XKR6: variants seen among roughly 807,000 people sequenced by gnomAD.
The protein encoded by XKR6 is XK related 6, also known as XK-related protein 6.
In XKR6, 22 loss-of-function variants were observed where a neutral mutation model predicts 56.7. The observed-to-expected ratio is 0.39, with a 90% CI of 0.28 to 0.55. The LOEUF is 0.55. XKR6 is among the 20% of genes least tolerant of loss of function. XKR6 has a pLI of 0.66. For synonymous variants in XKR6, 524 were observed against 387.8 expected, an observed-to-expected ratio of 1.35 and a Z score of -4.13; for missense variants, 852 against 889.0, an observed-to-expected ratio of 0.96 and a Z score of 0.53.
Position 11,087,856 on chromosome 8 carries a change from G to A in XKR6, c.764+112720C>T, listed in dbSNP as rs375652075. On this transcript the variant is annotated intron_variant, in intron 1 of 2. Coordinates refer to ENST00000416569, the MANE Select transcript of XKR6 (RefSeq NM_173683.4). ...ACTAGAAATGCTCGAGGAGAAGGAG[G>A]AGGCAGAGAGCAGAGATTTCTGTCC... Among the ~76,000 whole-genome samples the A allele has an allele frequency of 8.5e-5, 13 of 152,222 alleles. 2 individuals are homozygous for A. The highest frequency in any genetic ancestry group is 7.9e-4 in the Admixed American group (12 of 15,286).
chr8:11,159,157 A>G (rs1221005189), intron 1 of XKR6, among the ~76,000 whole-genome samples: 1 of 152,224 alleles, frequency 6.6e-6, no homozygotes, highest in Non-Finnish European at 1.5e-5. Flanking sequence ...GTTAATACAC[A>G]TCAGCTGTTA....
At position 10,924,673 on chromosome 8, in the gene XKR6, A is replaced by G; in HGVS notation, c.922T>C (p.Tyr308His). 6.2e-7 allele frequency: 1 copy of G among 1,612,794 alleles called. No individual in the cohort carries two copies. The highest frequency in any genetic ancestry group is 8.5e-7 in the Non-Finnish European group (1 of 1,179,846). Residue 308 changes from tyrosine (Y) to histidine (H), a missense_variant, in exon 2 of 3, where the codon TAC (tyrosine) becomes CAC (histidine). Transcript: ENST00000416569. ...GCGCTGTTCTTCTGGAGCATGATGT[A>G]GAGCTGTAGCACCAGTTGGGGCGCG... ...ESAPQLVLQL[Y>H]IMLQKNSAET... is the part of the protein sequence containing the mutation.
chr8:11,177,902 A>T (rs1172832136), intron 1 of XKR6, among the ~76,000 whole-genome samples: 1 of 152,122 alleles, frequency 6.6e-6, no homozygotes, highest in African/African-American at 2.4e-5. Flanking sequence ...CCAGGAGAAA[A>T]CTCACACAGT....
At position 11,178,700 on chromosome 8, in the gene XKR6, G is replaced by A. The variant is rs184935354; in HGVS notation, c.764+21876C>T. 1.6e-3 allele frequency among the ~76,000 whole-genome samples: 211 copies of A among 134,708 alleles called. 1 individual carries two copies. Among genetic ancestry groups the A allele is most frequent in the African/African-American group, 4.6e-3 (129 of 28,148 alleles). The allele number at this position is 134,708 out of a possible 152,430, so 88.4% of individuals were successfully genotyped here. ...AAATATATATATATATATGTATATC[G>A]GGGGGATGGAGGAAAGATTGGATCA... On this transcript the variant is annotated intron_variant, in intron 1 of 2. Transcript: ENST00000416569.
intron 1 of XKR6, among the ~76,000 whole-genome samples, chr8:11,115,049 G>A (rs1020821713): frequency 1.7e-4 from 26 of 152,068 alleles, no homozygotes; most frequent in Non-Finnish European, 2.6e-4. Context: ...CCTAATTTGA[G>A]GTCTCAAGTC....
chr8:10,943,082 A>G (rs1382356347), intron 1 of XKR6, among the ~76,000 whole-genome samples: 2 of 152,134 alleles, frequency 1.3e-5, no homozygotes, highest in Non-Finnish European at 2.9e-5. Context: ...GGGCTCTTCT[A>G]CCTGCCTGCC....
Position 11,200,150 on chromosome 8 carries a change from G to T in XKR6, c.764+426C>A, listed in dbSNP as rs570299760. ...GCAGAGGGAGAACGGGGGAAGAGGG[G>T]AGGATGTCTCACCTGGGAACAAACC... On this transcript the variant is annotated intron_variant, in intron 1 of 2. Coordinates refer to ENST00000416569, the MANE Select transcript of XKR6 (RefSeq NM_173683.4). This position sits in a 1 kb window ranked among gnomAD's most constrained non-coding sequence, Gnocchi z 6.4. Among the ~76,000 whole-genome samples, 1 of 152,348 alleles carries T rather than the reference G, an allele frequency of 6.6e-6. No individual in the cohort carries two copies. Among genetic ancestry groups the T allele is most frequent in the Admixed American group, 6.5e-5 (1 of 15,310 alleles).
At chr8:11,057,919 T>C (rs1462310195) in intron 1 of XKR6, among the ~76,000 whole-genome samples, 1 of 152,212 alleles carries the variant, frequency 6.6e-6, no homozygotes, top group Non-Finnish European at 1.5e-5. Flanking sequence ...GAAGGTGTAA[T>C]GAGTGCTTGT....
At chr8:11,144,609 G>A (rs1021196683) in intron 1 of XKR6, among the ~76,000 whole-genome samples, 5 of 152,002 alleles carry the variant, frequency 3.3e-5, no homozygotes, top group Non-Finnish European at 5.9e-5. Flanking sequence ...TTACCTGTGG[G>A]TAACTGTCCT....
At chr8:10,927,113 G>T (rs2129118192) in intron 1 of XKR6, among the ~76,000 whole-genome samples, 1 of 152,304 alleles carries the variant, frequency 6.6e-6, no homozygotes, top group African/African-American at 2.4e-5. Flanking sequence ...CCTGGAAGCA[G>T]ATGTCATCAT....
At chr8:11,175,154 C>G (rs144120499) in intron 1 of XKR6, 3 of 152,520 alleles carry the variant, frequency 2.0e-5, no homozygotes, top group African/African-American at 4.8e-5. Flanking sequence ...CCCAGGCCAT[C>G]GAGGTTGCAT....
At chr8:10,929,736 G>A (rs759346053) in intron 1 of XKR6, among the ~76,000 whole-genome samples, 1 of 152,194 alleles carries the variant, frequency 6.6e-6, no homozygotes, top group Non-Finnish European at 1.5e-5. Context: ...CCCCCTCAGA[G>A]GGTCACAGGG....
rs11786390 is a variant in XKR6, at chr8:11,141,081, C to G, written c.764+59495G>C. 2.0e-5 allele frequency among the ~76,000 whole-genome samples: 3 copies of G among 152,188 alleles called. No individual in the cohort carries two copies. In the South Asian group the frequency reaches 6.2e-4, roughly 32 times the overall value. ...GATTACAACACGTAATGGTTACACG[C>G]TAAGTCGACATGGTACAACAATTAA... On this transcript the variant is annotated intron_variant, in intron 1 of 2. Transcript: ENST00000416569.
intron 1 of XKR6, among the ~76,000 whole-genome samples, chr8:11,042,803 G>C (rs1382679439): frequency 6.6e-6 from 1 of 152,216 alleles, no homozygotes; most frequent in Non-Finnish European, 1.5e-5. Context: ...CTAACATTTG[G>C]ATCCCAGCAG....
Position 11,201,118 on chromosome 8 carries a change from C to T in XKR6, c.222G>A (p.Leu74=), listed in dbSNP as rs1252600662. The change falls in exon 1 of 3, where the codon CTG becomes CTA. Residue 74 remains leucine, a synonymous_variant. Transcript: ENST00000416569. ...SCYWGCRSAC[L]RSLLGRKPRR... ...GCGGCTTCCTGCCCAGGAGGGAGCGCAGGCAGGCGGAGCGGCAGCCCCAGT... is the reference window on the plus strand; with the variant it reads ...GCGGCTTCCTGCCCAGGAGGGAGCGTAGGCAGGCGGAGCGGCAGCCCCAGT... 1 of 1,509,932 alleles carries T rather than the reference C, an allele frequency of 6.6e-7. No individual in the cohort carries two copies. Among genetic ancestry groups the T allele is most frequent in the Admixed American group, 2.1e-5 (1 of 48,706 alleles). 93.5% of individuals were successfully genotyped at this position (1,509,932 alleles called of 1,614,324 possible).
chr8:10,906,991 T>A (rs1800204644), intron 2 of XKR6, among the ~76,000 whole-genome samples: 2 of 151,484 alleles, frequency 1.3e-5, no homozygotes, highest in South Asian at 4.2e-4. Context: ...GAGGTTGCAG[T>A]GAGCAGGGAT....
intron 1 of XKR6, among the ~76,000 whole-genome samples, chr8:10,967,084 C>T (rs1475858954): frequency 6.6e-6 from 1 of 152,208 alleles, no homozygotes; most frequent in South Asian, 2.1e-4. Flanking sequence ...AGTCAGCCCG[C>T]ATTCCAACAA....
chr8:10,911,148 G>C (rs533726077), intron 2 of XKR6, among the ~76,000 whole-genome samples: 27 of 151,864 alleles, frequency 1.8e-4, no homozygotes, highest in Non-Finnish European at 3.2e-4. Context: ...TTTGTGAGCC[G>C]TGGGTAAAAA....
At chr8:10,949,423 T>G (rs192568295) in intron 1 of XKR6, among the ~76,000 whole-genome samples, 4 of 152,242 alleles carry the variant, frequency 2.6e-5, no homozygotes, top group African/African-American at 9.6e-5. Context: ...TTGGGCAGGA[T>G]GCAGAGCAGG....
Sources: gnomAD v4.1 joint callset for allele counts (sites outside exome capture counted in the v4.1 genomes callset) on GRCh38, gnomAD v4.1.1 for gene constraint, Gnocchi (gnomAD v3.1) non-coding constraint, MANE v1.5 for transcripts, NCBI Gene and HGNC (gene_info 2026-07-23, HGNC 2026-07-21) for gene names.